BMP7: variants seen among roughly 807,000 people sequenced by gnomAD.
BMP7 encodes bone morphogenetic protein 7.
A neutral mutation model predicts 41.2 loss-of-function variants in BMP7; 12 were observed. The ratio of observed to expected loss-of-function variants is 0.29; its 90% confidence interval spans 0.19 to 0.47. The LOEUF is 0.47. BMP7 is among the 20% of genes least tolerant of loss of function. BMP7 has a pLI of 0.99. For synonymous variants in BMP7, 248 were observed against 250.0 expected (o/e 0.99, Z 0.07); for missense variants, 467 against 606.0 (o/e 0.77, Z 2.41).
At chr20:57,245,635 AT>A (rs565788005) in intron 1 of BMP7, among the ~76,000 whole-genome samples, 18,165 of 118,480 alleles carry the variant, frequency 0.15, 611 homozygotes, top group East Asian at 0.2. Flanking sequence ...GTGATTAGTG[AT>A]TTTTTTTTTT....
intron 3 of BMP7, among the ~76,000 whole-genome samples, chr20:57,195,165 T>C (rs532222949): frequency 4.0e-4 from 61 of 152,188 alleles, no homozygotes; most frequent in Middle Eastern, 3.4e-3. Context: ...GGAAAGACCC[T>C]GGAGAGCAGG....
At position 57,266,443 on chromosome 20, in the gene BMP7, G is replaced by C. The variant is rs918758482; in HGVS notation, c.-321C>G. 5.3e-6 allele frequency: 1 copy of C among 189,172 alleles called. No homozygotes were observed. Among genetic ancestry groups the C allele is most frequent in the African/African-American group, 2.3e-5 (1 of 42,580 alleles). 11.7% of individuals were successfully genotyped at this position (189,172 alleles called of 1,614,324 possible). On this transcript the variant is annotated 5_prime_UTR_variant, in exon 1 of 7. Transcript: ENST00000395863. ...CAGCCAGCAAGCCTAGGAGTCCAGA[G>C]AGCCAACGCCGGGGAGGCAGCGAGG...
chr20:57,259,205 C>T lies in BMP7; in HGVS notation c.418+6500G>A, dbSNP rs1295748443. ...GAACTTCCGTTACACGGCAGTGAAG[C>T]CCCCAATCCCCCACCCCATATATCA... On this transcript the variant is annotated intron_variant, in intron 1 of 6. Transcript: ENST00000395863. The surrounding 1 kb of genome is among the most constrained non-coding windows in gnomAD (Gnocchi z 4.7). Among the ~76,000 whole-genome samples the T allele has an allele frequency of 6.6e-6, 1 of 152,102 alleles. No individual in the cohort carries two copies. The highest frequency in any genetic ancestry group is 2.4e-5 in the African/African-American group (1 of 41,420).
chr20:57,216,312 G>C (rs1246243441), intron 2 of BMP7, among the ~76,000 whole-genome samples: 3 of 152,216 alleles, frequency 2.0e-5, no homozygotes, highest in Non-Finnish European at 4.4e-5. Context: ...GGCAGGTCCT[G>C]AGTCAAGGAC....
In BMP7 at chr20:57,183,825, C is replaced by T; in HGVS notation, c.855G>A (p.Glu285=). 2 of 1,614,178 alleles carry T rather than the reference C, an allele frequency of 1.2e-6. No individual in the cohort carries two copies. The highest frequency in any genetic ancestry group is 1.7e-6 in the Non-Finnish European group (2 of 1,180,038). The part of the protein sequence containing the change: ...PFMVAFFKAT[E]VHFRSIRSTG... Reference sequence around the variant, plus strand: ...TGGACCGGATGCTGCGGAAGTGGACCTCCGTGGCCTTGAAGAAAGCCACCA... The same window carrying T: ...TGGACCGGATGCTGCGGAAGTGGACTTCCGTGGCCTTGAAGAAAGCCACCA... The change falls in exon 4 of 7, where the codon GAG becomes GAA. Residue 285 remains glutamate, a synonymous_variant. Transcript: ENST00000395863.
At chr20:57,198,629 G>A (rs571457678) in intron 3 of BMP7, among the ~76,000 whole-genome samples, 1 of 152,288 alleles carries the variant, frequency 6.6e-6, no homozygotes, top group East Asian at 1.9e-4. Context: ...GAGGAAGAGG[G>A]AAAAGACGCA....
intron 1 of BMP7, among the ~76,000 whole-genome samples, chr20:57,232,032 C>T (rs1359621770): frequency 6.6e-6 from 1 of 152,200 alleles, no homozygotes; most frequent in Non-Finnish European, 1.5e-5. Context: ...CACTGAGGCT[C>T]AGGGAGGCCG....
intron 1 of BMP7, among the ~76,000 whole-genome samples, chr20:57,252,299 G>A (rs2066116912): frequency 6.6e-6 from 1 of 152,258 alleles, no homozygotes; most frequent in African/African-American, 2.4e-5. Flanking sequence ...AAAACAGGTT[G>A]TGGGCTGGAG....
intron 1 of BMP7, among the ~76,000 whole-genome samples, chr20:57,231,757 C>G (rs1181117642): frequency 6.6e-6 from 1 of 152,240 alleles, no homozygotes; most frequent in Admixed American, 6.5e-5. Context: ...CAGTGGCTCC[C>G]CGCAAACCTC....
At chr20:57,227,414 C>T (rs1307720408) in intron 2 of BMP7, among the ~76,000 whole-genome samples, 1 of 146,226 alleles carries the variant, frequency 6.8e-6, no homozygotes, top group African/African-American at 2.5e-5. Flanking sequence ...CACCAAATAG[C>T]AGTGCTTGGC....
rs1284222701 is a variant in BMP7 at position 57,266,137 on chromosome 20, G to A, written c.-15C>T. The stretch of plus-strand genomic sequence containing the variant: ...CGCACGTGCATCGCGCCGGCTCTAC[G>A]CGCTACCCGGGCTCCGGGCTCCGGG... On this transcript the variant is annotated 5_prime_UTR_variant, in exon 1 of 7. Transcript: ENST00000395863. 2.6e-6 allele frequency: 4 copies of A among 1,519,924 alleles called. No homozygotes were observed. The highest frequency in any genetic ancestry group is 4.0e-5 in the Admixed American group (2 of 49,666). 94.2% of individuals were successfully genotyped at this position (1,519,924 alleles called of 1,614,324 possible).
chr20:57,211,662 A>C (rs1330674967), intron 2 of BMP7, among the ~76,000 whole-genome samples: 1 of 152,198 alleles, frequency 6.6e-6, no homozygotes, highest in Non-Finnish European at 1.5e-5. Context: ...AAGGGTCCTG[A>C]TAACAGGGGA....
At chr20:57,211,959 G>T (rs1414758320) in intron 2 of BMP7, among the ~76,000 whole-genome samples, 1 of 147,240 alleles carries the variant, frequency 6.8e-6, no homozygotes, top group Non-Finnish European at 1.5e-5. Flanking sequence ...GCAGCTGGAG[G>T]AATGAATACA....
At chr20:57,199,303 C>T (rs1984570303) in intron 3 of BMP7, among the ~76,000 whole-genome samples, 1 of 152,184 alleles carries the variant, frequency 6.6e-6, no homozygotes, top group Non-Finnish European at 1.5e-5. Context: ...AACAGGCTGC[C>T]CTAGGCACCG....
chr20:57,187,554 C>CTCT (rs1984242068), intron 3 of BMP7, among the ~76,000 whole-genome samples: 2 of 144,020 alleles, frequency 1.4e-5, no homozygotes, highest in Non-Finnish European at 3.0e-5. Flanking sequence ...GGAAGCCTGC[C>CTCT]CTCTCTCTCT....
chr20:57,203,449 G>A (rs560917333), intron 2 of BMP7, among the ~76,000 whole-genome samples: 3 of 151,890 alleles, frequency 2.0e-5, no homozygotes, highest in Non-Finnish European at 4.4e-5. Context: ...GGATGGATAA[G>A]TGAATGGATG....
chr20:57,214,073 C>G lies in BMP7; in HGVS notation c.612-11450G>C, dbSNP rs1429114184. On this transcript the variant is annotated intron_variant, in intron 2 of 6. Coordinates refer to ENST00000395863, the MANE Select transcript of BMP7 (RefSeq NM_001719.3). The surrounding 1 kb of genome is among the most constrained non-coding windows in gnomAD (Gnocchi z 4.0). ...AACTCAAGATGGAACCATCTTAGAACAAGGTGCGGAGCGAGCCCTCTGAAC... is the reference window on the plus strand; with the variant it reads ...AACTCAAGATGGAACCATCTTAGAAGAAGGTGCGGAGCGAGCCCTCTGAAC... Among the ~76,000 whole-genome samples the G allele has an allele frequency of 2.0e-5, 3 of 152,208 alleles. No homozygotes were observed. Among genetic ancestry groups the G allele is most frequent in the Admixed American group, 1.3e-4 (2 of 15,282 alleles).
chr20:57,241,867 G>C (rs1176861925), intron 1 of BMP7, among the ~76,000 whole-genome samples: 3 of 152,232 alleles, frequency 2.0e-5, no homozygotes, highest in Non-Finnish European at 4.4e-5. Flanking sequence ...AAAGGGTTTA[G>C]GGGATGGGGC....
rs1983757007 is a variant in BMP7 at position 57,169,205 on chromosome 20, T to C, written c.*1754A>G. The C allele has an allele frequency of 6.6e-6, 1 of 151,924 alleles. No individual in the cohort carries two copies. The highest frequency in any genetic ancestry group is 1.5e-5 in the Non-Finnish European group (1 of 67,972). 9.4% of individuals were successfully genotyped at this position (151,924 alleles called of 1,614,324 possible). On this transcript the variant is annotated 3_prime_UTR_variant, in exon 7 of 7. Transcript: ENST00000395863. ...TAAAGAAGAAAAACATCAAAGAAAATAAAAACAGAGCCCCGGTGTTTCCAG... is the reference window on the plus strand; with the variant it reads ...TAAAGAAGAAAAACATCAAAGAAAACAAAAACAGAGCCCCGGTGTTTCCAG...
Sources: allele counts gnomAD v4.1 joint callset (sites outside exome capture counted in the v4.1 genomes callset), GRCh38; gene constraint gnomAD v4.1.1; non-coding constraint Gnocchi (gnomAD v3.1); transcripts MANE v1.5; gene names NCBI Gene and HGNC (gene_info 2026-07-23, HGNC 2026-07-21).